SPEF2: variants seen among roughly 807,000 people sequenced by gnomAD.
SPEF2 encodes the protein sperm flagellar and cilia associated 2.
SPEF2 carries 187 observed loss-of-function variants against 224.6 expected under a neutral mutation model. That is an observed-to-expected ratio of 0.83 (90% CI 0.74 to 0.94). SPEF2 has a LOEUF of 0.94. SPEF2 is among the 40% of genes least tolerant of loss of function. The pLI, the probability that SPEF2 is intolerant of heterozygous loss-of-function variation, is 0.00. For missense variants in SPEF2, 2,170 were observed against 2,135.6 expected (o/e 1.02, Z -0.32); for synonymous variants, 715 against 707.3 (o/e 1.01, Z -0.17).
chr5:35,666,590 A>G (rs758787553), intron 8 of SPEF2, among the ~76,000 whole-genome samples: 10 of 152,124 alleles, frequency 6.6e-5, no homozygotes, highest in Admixed American at 3.3e-4. Context: ...TTTCTAAAAT[A>G]TTTTCTAAGT....
intron 10 of SPEF2, among the ~76,000 whole-genome samples, chr5:35,671,895 A>G (rs1482115197): frequency 6.6e-6 from 1 of 151,810 alleles, no homozygotes; most frequent in Non-Finnish European, 1.5e-5. Context: ...AGGATTTATA[A>G]TATGTTTTCA....
chr5:35,644,193 A>G (rs1022065844), intron 3 of SPEF2, among the ~76,000 whole-genome samples, 162 bp from the exon 4 acceptor site: 1 of 152,202 alleles, frequency 6.6e-6, no homozygotes, highest in African/African-American at 2.4e-5. Context: ...TGCTTACATC[A>G]ATTAAGAATA....
intron 34 of SPEF2, among the ~76,000 whole-genome samples, chr5:35,801,890 C>T (rs1472564743): frequency 6.6e-6 from 1 of 152,180 alleles, no homozygotes; most frequent in Non-Finnish European, 1.5e-5. Context: ...GAAGTTGAGG[C>T]AAGGCCTGGT....
intron 23 of SPEF2, among the ~76,000 whole-genome samples, chr5:35,750,908 A>G (rs1335204634): frequency 6.8e-6 from 1 of 146,580 alleles, no homozygotes; most frequent in Admixed American, 7.0e-5. Context: ...TGTTTATAGC[A>G]GCACAATTCA....
chr5:35,654,263 A>T (rs1052863728), intron 6 of SPEF2, among the ~76,000 whole-genome samples: 1 of 151,984 alleles, frequency 6.6e-6, no homozygotes, highest in African/African-American at 2.4e-5. Context: ...TTATCTCAAA[A>T]AAAAAAAAAA....
intron 1 of SPEF2, among the ~76,000 whole-genome samples, chr5:35,625,297 C>T (rs745906065): frequency 1.1e-4 from 17 of 152,068 alleles, no homozygotes; most frequent in African/African-American, 4.8e-5. Context: ...TCATAATTGC[C>T]TTATTAATAT....
chr5:35,793,085 T>C (rs1282883659), intron 31 of SPEF2, 74 bp from the exon 32 acceptor site: 3 of 1,374,268 alleles, frequency 2.2e-6, no homozygotes, highest in East Asian at 4.7e-5. Context: ...ACTCTCACTA[T>C]GAAAATATGA....
At chr5:35,710,666 A>G (rs1561240860) in intron 19 of SPEF2, 1 of 985,110 alleles carries the variant, frequency 1.0e-6, no homozygotes, top group Non-Finnish European at 1.2e-6. Flanking sequence ...CTCTAGGTTA[A>G]AGCTCCTCCT....
At chr5:35,635,748 T>C (rs952234461) in intron 2 of SPEF2, among the ~76,000 whole-genome samples, 1 of 152,226 alleles carries the variant, frequency 6.6e-6, no homozygotes, top group African/African-American at 2.4e-5. Context: ...AAGAACAGTC[T>C]TTATATTTTA....
At chr5:35,694,444 C>A in intron 13 of SPEF2, 81 bp downstream of exon 13, 2 of 1,254,568 alleles carry the variant, frequency 1.6e-6, no homozygotes, top group Admixed American at 2.1e-5. Context: ...CACAAACATG[C>A]TTTCAGGGAA....
chr5:35,640,247 A>C (rs772598325), intron 2 of SPEF2, among the ~76,000 whole-genome samples: 1 of 152,136 alleles, frequency 6.6e-6, no homozygotes, highest in African/African-American at 2.4e-5. Flanking sequence ...ACATGCCCCT[A>C]AAATCTGTAG....
intron 9 of SPEF2, 29 bp from the exon 10 acceptor site, chr5:35,670,030 T>C: frequency 6.5e-7 from 1 of 1,543,768 alleles, no homozygotes. Flanking sequence ...TAACCATTGA[T>C]TCATCTCTAC....
In SPEF2 at chr5:35,629,449, G is replaced by A. The variant is rs926684926; in HGVS notation, c.161+887G>A. Among the ~76,000 whole-genome samples, 34 of 151,982 alleles carry A rather than the reference G, an allele frequency of 2.2e-4. 1 individual carries two copies. Among genetic ancestry groups the A allele is most frequent in the Admixed American group, 2.0e-3 (31 of 15,234 alleles). ...TGGGATTACAGGTGTGAGCCACCGC[G>A]CCCGGCCTGTTCCTTCTTTTAAGAG... On this transcript the variant is annotated intron_variant, in intron 2 of 36. Transcript: ENST00000356031.
intron 18 of SPEF2, among the ~76,000 whole-genome samples, chr5:35,708,334 A>C (rs2149586708): frequency 6.6e-6 from 1 of 151,998 alleles, no homozygotes; most frequent in South Asian, 2.1e-4. Context: ...CACCTCTTGT[A>C]TTACATTGCC....
intron 8 of SPEF2, among the ~76,000 whole-genome samples, chr5:35,665,545 C>T (rs1303479461): frequency 6.6e-6 from 1 of 152,044 alleles, no homozygotes; most frequent in East Asian, 1.9e-4. Context: ...CTGGTAGGAC[C>T]ATTCTACTAT....
At chr5:35,750,041 A>G (rs1043696869) in intron 23 of SPEF2, among the ~76,000 whole-genome samples, 4 of 152,202 alleles carry the variant, frequency 2.6e-5, no homozygotes, top group African/African-American at 9.6e-5. Flanking sequence ...GAACCCAGAA[A>G]TAAACCCAAA....
Position 35,771,605 on chromosome 5 carries a change from C to T in SPEF2, c.3802-4C>T. On this transcript the variant is annotated splice_region_variant and splice_polypyrimidine_tract_variant and intron_variant, in intron 26 of 36. Coordinates refer to ENST00000356031, the MANE Select transcript of SPEF2 (RefSeq NM_024867.4). ...TAACTGAAATATTGCTGTTACGCAA[C>T]CAGGTGGCTGCTGAAATTCATCAGA... 4.4e-6 allele frequency: 7 copies of T among 1,588,396 alleles called. No homozygotes were observed. The South Asian group carries it at 8.2e-5, about 19-fold the overall frequency.
Position 35,806,070 on chromosome 5 carries a change from T to C in SPEF2, c.5011-637T>C, listed in dbSNP as rs537683982. 2.0e-4 allele frequency among the ~76,000 whole-genome samples: 31 copies of C among 152,274 alleles called. No homozygotes were observed. The East Asian group carries it at 5.0e-3, about 25-fold the overall frequency. The stretch of plus-strand genomic sequence containing the variant: ...CCTAGTTCTGTAACTACTGGGTCAA[T>C]GATAGGATACATAAGAAGAATATAT... On this transcript the variant is annotated intron_variant, in intron 34 of 36. Coordinates refer to ENST00000356031, the MANE Select transcript of SPEF2 (RefSeq NM_024867.4).
At chr5:35,731,316 C>T (rs1446495622) in intron 21 of SPEF2, among the ~76,000 whole-genome samples, 1 of 152,168 alleles carries the variant, frequency 6.6e-6, no homozygotes, top group African/African-American at 2.4e-5. Context: ...TTATTTAGAA[C>T]TGATTTGTAT....
Sources: allele counts gnomAD v4.1 joint callset (sites outside exome capture counted in the v4.1 genomes callset), GRCh38; gene constraint gnomAD v4.1.1; transcripts MANE v1.5; gene names NCBI Gene and HGNC (gene_info 2026-07-23, HGNC 2026-07-21).